Variants in DNAH12 observed in about 807,000 individuals in gnomAD.
The protein encoded by DNAH12 is dynein axonemal heavy chain 12, also known as axonemal beta dynein heavy chain 12.
A neutral mutation model predicts 371.5 loss-of-function variants in DNAH12; 285 were observed. The ratio of observed to expected loss-of-function variants is 0.77; its 90% CI spans 0.70 to 0.85. DNAH12 has a LOEUF of 0.85. Among genes scored for constraint, DNAH12 ranks in the 40% least tolerant of loss-of-function variants. The probability of loss-of-function intolerance (pLI) is 0.00; values close to 1 mark genes in which losing one functional copy is unlikely to be tolerated. For synonymous variants in DNAH12, 1,200 were observed against 1,213.0 expected (o/e 0.99, Z 0.22); for missense variants, 3,611 against 3,689.4 (o/e 0.98, Z 0.55).
chr3:57,330,663 T>C lies in DNAH12; in HGVS notation c.9978+3802A>G, dbSNP rs534264878. 6.7e-5 allele frequency among the ~76,000 whole-genome samples: 10 copies of C among 150,304 alleles called. 1 individual carries two copies. In the South Asian group the frequency reaches 1.9e-3, roughly 29 times the overall value. ...CACCAGCATGTCACATGTATACATA[T>C]GTAACTAACCTGCACATTGTGCACA... On this transcript the variant is annotated intron_variant, in intron 62 of 73. Transcript: ENST00000495027.
At chr3:57,506,746 G>A (rs757101032) in intron 8 of DNAH12, among the ~76,000 whole-genome samples, 1 of 151,854 alleles carries the variant, frequency 6.6e-6, no homozygotes, top group Admixed American at 6.6e-5. Flanking sequence ...CCAGCCTCAG[G>A]GTGATTTTCT....
At chr3:57,515,842 T>G (rs1463043864) in intron 4 of DNAH12, among the ~76,000 whole-genome samples, 1 of 151,958 alleles carries the variant, frequency 6.6e-6, no homozygotes, top group Non-Finnish European at 1.5e-5. Flanking sequence ...TGGGAACACA[T>G]AAAGCATACA....
At chr3:57,400,437 A>T in intron 43 of DNAH12, among the ~76,000 whole-genome samples, 1 of 152,222 alleles carries the variant, frequency 6.6e-6, no homozygotes, top group African/African-American at 2.4e-5. Context: ...ACAGCAACAC[A>T]ATACAGTAGT....
At position 57,504,222 on chromosome 3, in the gene DNAH12, C is replaced by T; in HGVS notation, c.898-18G>A. 1 of 1,597,544 alleles carries T rather than the reference C, an allele frequency of 6.3e-7. No individual in the cohort carries two copies. On this transcript the variant is annotated intron_variant, in intron 8 of 73. Coordinates refer to ENST00000495027, the MANE Select transcript of DNAH12 (RefSeq NM_001366028.2). ...TCCTTTAGCTGCGTGATATAAATCA[C>T]TGTTACTTTAGAGAGTACAAATTCA...
chr3:57,439,445 A>G (rs544362357), intron 29 of DNAH12, among the ~76,000 whole-genome samples: 1 of 152,328 alleles, frequency 6.6e-6, no homozygotes, highest in South Asian at 2.1e-4. Context: ...AGCGATGGAG[A>G]AAAGACTTCC....
chr3:57,480,150 T>C (rs1426391037), intron 13 of DNAH12, among the ~76,000 whole-genome samples: 2 of 151,322 alleles, frequency 1.3e-5, no homozygotes, highest in Admixed American at 1.3e-4. Context: ...TTTGAAAAGA[T>C]CAACAAAATT....
At chr3:57,380,745 G>A (rs1381045499) in intron 50 of DNAH12, among the ~76,000 whole-genome samples, 1 of 152,158 alleles carries the variant, frequency 6.6e-6, no homozygotes, top group South Asian at 2.1e-4. Context: ...GATTACAGGC[G>A]TGAGCCACCA....
intron 11 of DNAH12, among the ~76,000 whole-genome samples, chr3:57,491,457 T>C (rs1044454897): frequency 6.6e-5 from 10 of 152,212 alleles, no homozygotes; most frequent in Non-Finnish European, 1.0e-4. Flanking sequence ...GTACTATGTA[T>C]GTTATATTTC....
At chr3:57,444,853 G>C (rs979222797) in intron 28 of DNAH12, 37 bp from the exon 29 acceptor site, 2 of 1,524,246 alleles carry the variant, frequency 1.3e-6, no homozygotes, top group Non-Finnish European at 1.8e-6. Context: ...TAAGTTAGTT[G>C]CCAGCAATTG....
intron 59 of DNAH12, among the ~76,000 whole-genome samples, chr3:57,353,055 G>T: frequency 6.6e-6 from 1 of 152,076 alleles, no homozygotes; most frequent in Middle Eastern, 3.4e-3. Context: ...CACTGCACTC[G>T]AGCCTGGGTA....
intron 60 of DNAH12, among the ~76,000 whole-genome samples, chr3:57,341,310 T>C (rs1403495694): frequency 2.0e-5 from 3 of 152,124 alleles, no homozygotes; most frequent in African/African-American, 4.8e-5. Context: ...GGAAGTCAAA[T>C]TGTCCCTGTT....
At chr3:57,353,323 C>T (rs2062725823) in intron 59 of DNAH12, among the ~76,000 whole-genome samples, 1 of 150,828 alleles carries the variant, frequency 6.6e-6, no homozygotes, top group African/African-American at 2.4e-5. Context: ...GACAGGGTCT[C>T]ACCCTGTCAC....
At position 57,323,127 on chromosome 3, in the gene DNAH12, T is replaced by A; in HGVS notation, c.10263A>T (p.Leu3421=). ...AAIEEGTWVC[L]QNCHLAVSWM... is the part of the protein sequence containing the mutation. ...AGGACACTGCAAGATGGCAATTCTG[T>A]AGGCACACCCAAGTTCCTTCTTCAA... The change falls in exon 64 of 74, where the codon CTA becomes CTT. Residue 3421 remains leucine, a synonymous_variant. Coordinates refer to ENST00000495027, the MANE Select transcript of DNAH12 (RefSeq NM_001366028.2). 1 of 1,552,456 alleles carries A rather than the reference T, an allele frequency of 6.4e-7. No homozygotes were observed. Among genetic ancestry groups the A allele is most frequent in the Non-Finnish European group, 8.7e-7 (1 of 1,147,150 alleles).
chr3:57,337,908 C>T (rs1324686403), intron 60 of DNAH12, among the ~76,000 whole-genome samples: 2 of 152,198 alleles, frequency 1.3e-5, no homozygotes, highest in South Asian at 4.1e-4. Context: ...TTTCATAGTA[C>T]TTGCAGAATA....
chr3:57,362,353 G>A (rs913843224), intron 58 of DNAH12, among the ~76,000 whole-genome samples: 15 of 152,154 alleles, frequency 9.9e-5, no homozygotes, highest in South Asian at 2.1e-4. Context: ...TTATAGTAGC[G>A]TGATTTATAA....
At chr3:57,406,221 C>T (rs1353143323) in intron 40 of DNAH12, among the ~76,000 whole-genome samples, 5 of 151,708 alleles carry the variant, frequency 3.3e-5, no homozygotes, top group East Asian at 1.9e-4. Flanking sequence ...TGTCATGGCA[C>T]GTGCCTGTAA....
intron 47 of DNAH12, among the ~76,000 whole-genome samples, chr3:57,386,138 A>G (rs1412547108): frequency 6.6e-6 from 1 of 152,190 alleles, no homozygotes; most frequent in Non-Finnish European, 1.5e-5. Context: ...ATAAAAAGCG[A>G]CCTAAACTTA....
At position 57,483,377 on chromosome 3, in the gene DNAH12, T is replaced by C; in HGVS notation, c.1649A>G (p.Gln550Arg). The change falls in exon 13 of 74, where the codon CAG (glutamine) becomes CGG (arginine). Residue 550 changes from glutamine (Q) to arginine (R), a missense_variant and splice_region_variant. Coordinates refer to ENST00000495027, the MANE Select transcript of DNAH12 (RefSeq NM_001366028.2). The part of the protein sequence containing the change: ...VGIEELILRI[Q>R]ESKRQMSYFL... ...AATATGCAAATTAAAATTCCTTACC[T>C]GGATCCTTAAAATCAACTCTTCGAT... 17 of 1,542,884 alleles carry C rather than the reference T, an allele frequency of 1.1e-5. No individual in the cohort carries two copies. Among genetic ancestry groups the C allele is most frequent in the Non-Finnish European group, 1.5e-5 (17 of 1,145,104 alleles).
intron 69 of DNAH12, among the ~76,000 whole-genome samples, chr3:57,302,532 TA>T (rs1559535158): frequency 0.12 from 4,411 of 37,774 alleles, 486 homozygotes; most frequent in Non-Finnish European, 0.15. Context: ...ATCAGGTGTA[TA>T]TATATATATA....
Sources: gnomAD v4.1 joint callset for allele counts (sites outside exome capture counted in the v4.1 genomes callset) on GRCh38, gnomAD v4.1.1 for gene constraint, MANE v1.5 for transcripts, NCBI Gene and HGNC (gene_info 2026-07-23, HGNC 2026-07-21) for gene names.